MAPKAPK5: variants seen among roughly 807,000 people sequenced by gnomAD.
The protein encoded by MAPKAPK5 is MAPK activated protein kinase 5.
In MAPKAPK5, 30 loss-of-function variants were observed where a neutral mutation model predicts 65.1. That is an observed-to-expected ratio of 0.46 (90% CI 0.34 to 0.63). MAPKAPK5 has a LOEUF of 0.63. Among genes scored for constraint, MAPKAPK5 ranks in the 20% least tolerant of loss-of-function variants. MAPKAPK5 has a pLI of 0.01. For missense variants in MAPKAPK5, 433 were observed against 581.4 expected (o/e 0.74, Z 2.63); for synonymous variants, 179 against 204.6 (o/e 0.87, Z 1.07).
chr12:111,866,439 C>T (rs1275668878), intron 3 of MAPKAPK5, among the ~76,000 whole-genome samples: 4 of 152,200 alleles, frequency 2.6e-5, no homozygotes, highest in African/African-American at 9.6e-5. Flanking sequence ...CTTTCAGCCA[C>T]CTCTTGTTCT....
At chr12:111,886,530 G>T (rs541487049) in intron 10 of MAPKAPK5, among the ~76,000 whole-genome samples, 52 of 152,260 alleles carry the variant, frequency 3.4e-4, no homozygotes, top group Non-Finnish European at 7.3e-4. Flanking sequence ...CTGTGTTGCA[G>T]CATCTGAGTT....
chr12:111,868,679 T>C, intron 4 of MAPKAPK5, 74 bp from the exon 5 acceptor site: 1 of 1,174,264 alleles, frequency 8.5e-7, no homozygotes. Context: ...GTCAGCTTCT[T>C]AATGTTTCAG....
chr12:111,847,344 CAAAA>C (rs58150812), intron 1 of MAPKAPK5, among the ~76,000 whole-genome samples: 16 of 103,334 alleles, frequency 1.5e-4, no homozygotes, highest in Admixed American at 1.2e-3. Flanking sequence ...TGAGACTCTG[CAAAA>C]AAAAAAAAAA....
At chr12:111,880,383 T>C (rs2070154053) in intron 7 of MAPKAPK5, 64 bp from the exon 8 acceptor site, 1 of 1,344,530 alleles carries the variant, frequency 7.4e-7, no homozygotes, top group African/African-American at 1.4e-5. Context: ...GTAGCCTGTC[T>C]CAAGGCAGGT....
At chr12:111,863,098 C>G (rs895779529) in intron 1 of MAPKAPK5, among the ~76,000 whole-genome samples, 1 of 152,068 alleles carries the variant, frequency 6.6e-6, no homozygotes, top group Non-Finnish European at 1.5e-5. Context: ...TGGGCAGTTA[C>G]CCTTAATAGA....
intron 1 of MAPKAPK5, among the ~76,000 whole-genome samples, chr12:111,854,986 T>A (rs755228076): frequency 5.3e-5 from 8 of 152,240 alleles, no homozygotes; most frequent in Non-Finnish European, 1.0e-4. Context: ...AGGTTTTCTT[T>A]TTCTTCTTGA....
rs756139176 is a variant in MAPKAPK5 at position 111,889,009 on chromosome 12, C to T, written c.1216+9C>T. 4 of 1,563,792 alleles carry T rather than the reference C, an allele frequency of 2.6e-6. No homozygotes were observed. In the Middle Eastern group the frequency reaches 5.0e-4, roughly 195 times the overall value. On this transcript the variant is annotated intron_variant, in intron 12 of 13. Transcript: ENST00000550735. ...TATTCTCCCCCAGGCTGGTAAAGGT[C>T]ACACCATTTACTAATCCTCTGTGTG...
rs1041067873 is a variant in MAPKAPK5, at chr12:111,901,177, A to G, written c.*8116A>G. ...ATTCCTGATGAAGGAGATGTGCACA[A>G]TGGCACTTACTGTGCACCAAACAAA... is the stretch of plus-strand genomic sequence containing the variant. On this transcript the variant is annotated 3_prime_UTR_variant, in exon 14 of 14. Coordinates refer to ENST00000550735, the MANE Select transcript of MAPKAPK5 (RefSeq NM_003668.4). 53 of 453,314 alleles carry G rather than the reference A, an allele frequency of 1.2e-4. No individual in the cohort carries two copies. Among genetic ancestry groups the G allele is most frequent in the African/African-American group, 9.2e-4 (45 of 48,964 alleles). 28.1% of individuals were successfully genotyped at this position (453,314 alleles called of 1,614,324 possible). A position where few individuals can be genotyped will look rare whatever the true frequency, so the allele number is the denominator to read the frequency against.
intron 1 of MAPKAPK5, among the ~76,000 whole-genome samples, chr12:111,859,652 C>CTTTTCTTTTTTTTT (rs1555269112): frequency 9.4e-6 from 1 of 106,128 alleles, no homozygotes; most frequent in Non-Finnish European, 2.0e-5. Context: ...CTTTGCTTTT[C>CTTTTCTTTTTTTTT]TTTTTTTTTT....
chr12:111,892,941 T>C, intron 13 of MAPKAPK5, 26 bp from the exon 14 acceptor site: 1 of 1,522,572 alleles, frequency 6.6e-7, no homozygotes, highest in African/African-American at 1.4e-5. Flanking sequence ...ATTTGAGGAC[T>C]GACCTTGTTC....
Position 111,870,312 on chromosome 12 carries a change from G to T in MAPKAPK5, c.435G>T (p.Ala145=). Residue 145 remains alanine (A), a synonymous_variant, in exon 6 of 14, where the codon GCG becomes GCT. Transcript: ENST00000550735. ...GGCACTGTCACTTGTTAAACATTGCGCACAGAGACCTCAAGCCTGAAAATC... is the reference window on the plus strand; with the variant it reads ...GGCACTGTCACTTGTTAAACATTGCTCACAGAGACCTCAAGCCTGAAAATC... The part of the protein sequence containing the change: ...ALRHCHLLNI[A]HRDLKPENLL... 6.2e-7 allele frequency: 1 copy of T among 1,610,126 alleles called. No individual in the cohort carries two copies. The highest frequency in any genetic ancestry group is 8.5e-7 in the Non-Finnish European group (1 of 1,176,868).
At chr12:111,871,504 G>A (rs895828887) in intron 7 of MAPKAPK5, among the ~76,000 whole-genome samples, 1 of 152,128 alleles carries the variant, frequency 6.6e-6, no homozygotes, top group African/African-American at 2.4e-5. Flanking sequence ...TTAGCCGAGT[G>A]TGGTGGCGCA....
chr12:111,889,602 CA>C (rs2136155549), intron 12 of MAPKAPK5: 1 of 168,432 alleles, frequency 5.9e-6, no homozygotes, highest in Admixed American at 5.6e-5. Context: ...GGCCAGAAAA[CA>C]GTTGGGTTGA....
chr12:111,885,003 A>G (rs954808232), intron 9 of MAPKAPK5, among the ~76,000 whole-genome samples: 12 of 152,130 alleles, frequency 7.9e-5, no homozygotes, highest in South Asian at 2.1e-4. Context: ...TTGACATGCT[A>G]TTTCCTTGCT....
intron 8 of MAPKAPK5, chr12:111,882,792 C>T (rs2070279204): frequency 3.0e-6 from 3 of 985,362 alleles, no homozygotes; most frequent in Non-Finnish European, 3.6e-6. Context: ...CCCTCCAGTC[C>T]TCTCCATGAT....
intron 7 of MAPKAPK5, chr12:111,879,388 T>G (rs2070110117): frequency 1.2e-5 from 1 of 81,768 alleles, no homozygotes; most frequent in Admixed American, 1.1e-4. Context: ...TTAGAGTAGG[T>G]TTTTTTTTTT....
Position 111,842,474 on chromosome 12 carries a change from G to A in MAPKAPK5, c.-260G>A, listed in dbSNP as rs972206852. On this transcript the variant is annotated 5_prime_UTR_variant, in exon 1 of 14. Transcript: ENST00000550735. ...TCCCCAGCTGGGGATGAGGCTAGGA[G>A]GCGGCCGCGTGGGGCCCAGCACAAA... is the stretch of plus-strand genomic sequence containing the variant. The A allele has an allele frequency of 6.6e-5, 21 of 316,182 alleles. No homozygotes were observed. The Admixed American group carries it at 1.0e-3, about 15-fold the overall frequency. The allele number at this position is 316,182 out of a possible 1,614,324, so 19.6% of individuals were successfully genotyped here.
intron 1 of MAPKAPK5, among the ~76,000 whole-genome samples, chr12:111,843,876 G>C (rs1187893173): frequency 5.9e-5 from 9 of 152,128 alleles, no homozygotes; most frequent in Admixed American, 5.9e-4. Flanking sequence ...GCAGTGGCCC[G>C]ATCTTGGCTC....
chr12:111,883,503 A>C lies in MAPKAPK5; in HGVS notation c.661-78A>C. The C allele has an allele frequency of 7.9e-7, 1 of 1,270,264 alleles. No homozygotes were observed. Among genetic ancestry groups the C allele is most frequent in the Non-Finnish European group, 1.1e-6 (1 of 895,026 alleles). The allele number at this position is 1,270,264 out of a possible 1,614,324, so 78.7% of individuals were successfully genotyped here. On this transcript the variant is annotated intron_variant, in intron 8 of 13. Coordinates refer to ENST00000550735, the MANE Select transcript of MAPKAPK5 (RefSeq NM_003668.4). This position sits in a 1 kb window ranked among gnomAD's most constrained non-coding sequence, Gnocchi z 4.8. ...TATCAGCCTATATATTGCAGGGGCT[A>C]TTCCTGAGCCTGTCATGGGGTGTTT...
Sources: gnomAD v4.1 joint callset for allele counts (sites outside exome capture counted in the v4.1 genomes callset) on GRCh38, gnomAD v4.1.1 for gene constraint, Gnocchi (gnomAD v3.1) non-coding constraint, MANE v1.5 for transcripts, NCBI Gene and HGNC (gene_info 2026-07-23, HGNC 2026-07-21) for gene names.